Variants in SAFB observed in about 807,000 individuals in gnomAD.
The protein encoded by SAFB is scaffold attachment factor B1.
A neutral mutation model predicts 101.6 loss-of-function variants in SAFB; 15 were observed. That is an observed-to-expected ratio of 0.15 (90% confidence interval 0.10 to 0.23). The LOEUF is 0.23. SAFB is among the 10% of genes least tolerant of loss of function. The pLI is 1.00. For synonymous variants in SAFB, 449 were observed against 407.5 expected (o/e 1.10, Z -1.23); for missense variants, 930 against 1,104.1 (o/e 0.84, Z 2.23).
Position 5,641,747 on chromosome 19 carries a change from T to G in SAFB, c.347T>G (p.Val116Gly). 8 of 1,614,066 alleles carry G rather than the reference T, an allele frequency of 5.0e-6. No individual in the cohort carries two copies. The highest frequency in any genetic ancestry group is 6.8e-6 in the Non-Finnish European group (8 of 1,180,000). Reference sequence around the variant, plus strand: ...GGTCTGGTTGTGTCACAGGAGGATGTTGAGACCAGTCTGGAGAACTTGCAG... The same window carrying G: ...GGTCTGGTTGTGTCACAGGAGGATGGTGAGACCAGTCTGGAGAACTTGCAG... ...EENSGDGQED[V>G]ETSLENLQDI... is the part of the protein sequence containing the mutation. Residue 116 changes from valine (V) to glycine (G), a missense_variant, in exon 4 of 21, where the codon GTT becomes GGT. Val to Gly is a moderately radical substitution (Grantham distance 109). Around this residue, in one of 7 missense-constraint regions of SAFB, gnomAD observed 119 missense variants for 171.4 expected, o/e 0.69. Coordinates refer to ENST00000588852, the MANE Select transcript of SAFB (RefSeq NM_001201338.2).
At chr19:5,631,843 G>A (rs1185607391) in intron 2 of SAFB, among the ~76,000 whole-genome samples, 11 of 152,110 alleles carry the variant, frequency 7.2e-5, no homozygotes, top group African/African-American at 2.7e-4. Flanking sequence ...CCCAGGAGTT[G>A]GAGAGCAGCC....
rs1380190345 is a variant in SAFB, at chr19:5,668,207, C to T, written c.2670C>T (p.Ile890=). The T allele has an allele frequency of 2.5e-6, 4 of 1,608,284 alleles. No individual in the cohort carries two copies. In the Admixed American group the frequency reaches 6.9e-5, roughly 28 times the overall value. ...GCGGGGCCTCCCGGGGCCACCCCAT[C>T]CCACACGGTGGCATGCAGGGCGGGT... ...APGGASRGHP[I]PHGGMQGGFG... The change falls in exon 21 of 21, where the codon ATC becomes ATT. Residue 890 remains isoleucine, a synonymous_variant. Transcript: ENST00000588852.
chr19:5,647,937 T>C (rs2053859140), intron 5 of SAFB, 79 bp from the exon 6 acceptor site: 7 of 1,279,656 alleles, frequency 5.5e-6, no homozygotes, highest in Admixed American at 3.4e-5. Flanking sequence ...ATTCCCTCTT[T>C]AGTTATTCTG....
intron 13 of SAFB, among the ~76,000 whole-genome samples, chr19:5,655,473 A>C (rs901462259): frequency 4.6e-5 from 7 of 151,578 alleles, no homozygotes; most frequent in African/African-American, 9.7e-5. Flanking sequence ...AAAAAAAAAA[A>C]AAAAAAACAC....
chr19:5,627,549 T>A (rs1053287053), intron 2 of SAFB, among the ~76,000 whole-genome samples: 7 of 152,154 alleles, frequency 4.6e-5, no homozygotes, highest in Non-Finnish European at 1.0e-4. Context: ...ACTTTAACAT[T>A]TCTTTTAAAA....
chr19:5,664,327 G>T, intron 16 of SAFB, 70 bp from the exon 17 acceptor site: 2 of 1,472,524 alleles, frequency 1.4e-6, no homozygotes, highest in South Asian at 1.1e-5. Flanking sequence ...TTCATTGGGG[G>T]CCTGATGGTC....
intron 7 of SAFB, 116 bp downstream of exon 7, chr19:5,649,615 T>C (rs2053892344): frequency 7.1e-6 from 4 of 562,352 alleles, no homozygotes; most frequent in African/African-American, 5.8e-5. Context: ...AATTGTAGTT[T>C]TGCTTCTAAA....
intron 6 of SAFB, among the ~76,000 whole-genome samples, chr19:5,648,658 G>T (rs1434435740): frequency 1.3e-5 from 2 of 152,202 alleles, no homozygotes; most frequent in African/African-American, 4.8e-5. Context: ...GATACATTCA[G>T]TTAAGCAACT....
At chr19:5,650,193 T>G (rs957600293) in intron 8 of SAFB, among the ~76,000 whole-genome samples, 3 of 152,224 alleles carry the variant, frequency 2.0e-5, no homozygotes, top group African/African-American at 7.2e-5. Context: ...TGCAGATCCT[T>G]GTGTTGGGAG....
chr19:5,668,003 G>A, intron 20 of SAFB, 117 bp downstream of exon 20: 2 of 1,414,224 alleles, frequency 1.4e-6, no homozygotes, highest in Non-Finnish European at 1.9e-6. Flanking sequence ...GGTGACGTGA[G>A]GCCAGGCATG....
In SAFB at chr19:5,667,083, G is replaced by T. The variant is rs765694192; in HGVS notation, c.2372G>T (p.Gly791Val). Residue 791 changes from glycine to valine, a missense_variant, in exon 18 of 21, where the codon GGC becomes GTC. By Grantham distance (109) the Gly-to-Val change is moderately radical. Coordinates refer to ENST00000588852, the MANE Select transcript of SAFB (RefSeq NM_001201338.2). This position sits in a 1 kb window ranked among gnomAD's most constrained non-coding sequence, Gnocchi z 4.0. Reference protein sequence around the residue: ...PERHGGPERHGRDSRDGWGGY... With the variant: ...PERHGGPERHVRDSRDGWGGY... ...CGCCATGGAGGACCAGAGCGCCACG[G>T]CCGGGACTCCCGCGATGGCTGGGGG... 2 of 1,612,668 alleles carry T rather than the reference G, an allele frequency of 1.2e-6. No homozygotes were observed. Among genetic ancestry groups the T allele is most frequent in the Non-Finnish European group, 1.7e-6 (2 of 1,179,340 alleles).
At chr19:5,636,924 GTCTCAAAC>G (rs2053606644) in intron 2 of SAFB, among the ~76,000 whole-genome samples, 1 of 151,630 alleles carries the variant, frequency 6.6e-6, no homozygotes, top group African/African-American at 2.4e-5. Flanking sequence ...GACCAGGCTG[GTCTCAAAC>G]TCCTGACCTC....
chr19:5,628,464 A>G (rs2053417080), intron 2 of SAFB, among the ~76,000 whole-genome samples: 1 of 152,126 alleles, frequency 6.6e-6, no homozygotes, highest in Non-Finnish European at 1.5e-5. Flanking sequence ...ATTTAATACC[A>G]TATTTTTTAT....
In SAFB at chr19:5,661,800, C is replaced by T; in HGVS notation, c.2145C>T (p.Asp715=). 6.5e-7 allele frequency: 1 copy of T among 1,545,132 alleles called. No individual in the cohort carries two copies. Among genetic ancestry groups the T allele is most frequent in the South Asian group, 1.2e-5 (1 of 83,626 alleles). The part of the protein sequence containing the change: ...ERRPAVRRPY[D]LDRRDDAYWP... The stretch of plus-strand genomic sequence containing the variant: ...GGCCCGCGGTGCGGCGGCCCTACGA[C>T]CTGGACCGGTAAGCAGATCCATGCT... The change falls in exon 15 of 21, where the codon GAC becomes GAT. Residue 715 remains aspartate (D), a synonymous_variant. Coordinates refer to ENST00000588852, the MANE Select transcript of SAFB (RefSeq NM_001201338.2).
chr19:5,657,634 C>G (rs531287913), intron 14 of SAFB, among the ~76,000 whole-genome samples: 1 of 152,146 alleles, frequency 6.6e-6, no homozygotes, highest in African/African-American at 2.4e-5. Flanking sequence ...AAGCAATTCT[C>G]CAGCCTCAGC....
At position 5,668,428 on chromosome 19, in the gene SAFB, T is replaced by C. The variant is rs1236945265; in HGVS notation, c.*137T>C. 5.0e-6 allele frequency: 5 copies of C among 993,090 alleles called. No individual in the cohort carries two copies. In the South Asian group the frequency reaches 8.6e-5, roughly 17 times the overall value. The allele number at this position is 993,090 out of a possible 1,614,324, so 61.5% of individuals were successfully genotyped here. A position where few individuals can be genotyped will look rare whatever the true frequency, so the allele number is the denominator to read the frequency against. On this transcript the variant is annotated 3_prime_UTR_variant, in exon 21 of 21. Coordinates refer to ENST00000588852, the MANE Select transcript of SAFB (RefSeq NM_001201338.2). ...ATACAATGTGAATTTGTTTTTCGTT[T>C]TGGGGTTTTTTTTTTTTGTAATAAA...
intron 15 of SAFB, 125 bp from the exon 16 acceptor site, chr19:5,663,897 A>G (rs2054270851): frequency 9.5e-7 from 1 of 1,055,314 alleles, no homozygotes; most frequent in Admixed American, 2.3e-5. Context: ...TGCCTCCTAT[A>G]GGAGAGAACA....
At chr19:5,634,125 A>G (rs1427056748) in intron 2 of SAFB, among the ~76,000 whole-genome samples, 3 of 152,134 alleles carry the variant, frequency 2.0e-5, no homozygotes, top group Admixed American at 2.0e-4. Context: ...AAATAGAATT[A>G]ACAGGAAATT....
intron 8 of SAFB, 132 bp downstream of exon 8, chr19:5,650,107 C>A: frequency 1.4e-6 from 1 of 705,012 alleles, no homozygotes; most frequent in Non-Finnish European, 2.5e-6. Context: ...AGTCTTTCTC[C>A]TTCTCTGCTG....
Sources: gnomAD v4.1 joint callset for allele counts (sites outside exome capture counted in the v4.1 genomes callset) on GRCh38, gnomAD v4.1.1 for gene constraint, gnomAD v4.1.1 regional missense constraint, Gnocchi (gnomAD v3.1) non-coding constraint, MANE v1.5 for transcripts, NCBI Gene and HGNC (gene_info 2026-07-23, HGNC 2026-07-21) for gene names.